The following RBPJ variants were observed in gnomAD, a reference collection of about 807,000 sequenced individuals.
RBPJ encodes recombination signal binding protein for immunoglobulin kappa J region, also known as recombining binding protein suppressor of hairless.
Under a neutral mutation model 67.8 loss-of-function variants are expected in RBPJ, and 9 were observed. That is an observed-to-expected ratio of 0.13 (90% confidence interval 0.08 to 0.23). The LOEUF (loss-of-function observed/expected upper bound fraction) is 0.23, where lower values mean the gene tolerates loss of function less well. RBPJ is among the 10% of genes least tolerant of loss of function. The probability of loss-of-function intolerance (pLI) is 1.00; values close to 1 mark genes in which losing one functional copy is unlikely to be tolerated. For synonymous variants in RBPJ, 198 were observed against 203.3 expected (o/e 0.97, Z 0.22); for missense variants, 305 against 595.6 (o/e 0.51, Z 5.08).
At chr4:26,109,579 C>CTATATATA in the RBPJ span, among the ~76,000 whole-genome samples, 3 of 29,392 alleles carry the variant, frequency 1.0e-4, 1 homozygote, top group Admixed American at 6.3e-4. Flanking sequence ...CTCTCTCTCT[C>CTATATATA]TATATATATA....
At chr4:26,105,912 A>C in the RBPJ span, among the ~76,000 whole-genome samples, 1 of 152,236 alleles carries the variant, frequency 6.6e-6, no homozygotes, top group Admixed American at 6.5e-5. Flanking sequence ...ACTGCAAGCA[A>C]ATCTGTGCAA....
At chr4:26,413,384 A>G (rs1734232125) in intron 3 of RBPJ, among the ~76,000 whole-genome samples, 1 of 152,018 alleles carries the variant, frequency 6.6e-6, no homozygotes, top group Non-Finnish European at 1.5e-5. Context: ...CATACTTATC[A>G]CCAGCTAATG....
chr4:26,135,329 A>G, the RBPJ span, among the ~76,000 whole-genome samples: 1 of 152,036 alleles, frequency 6.6e-6, no homozygotes, highest in Non-Finnish European at 1.5e-5. Context: ...CACCCTCACC[A>G]CAACCCTCTG....
At chr4:26,250,038 G>A (rs1053016309) in intron 1 of RBPJ, among the ~76,000 whole-genome samples, 6 of 151,758 alleles carry the variant, frequency 4.0e-5, no homozygotes, top group African/African-American at 1.5e-4. Flanking sequence ...CCCCCGCCAC[G>A]GCCTCCCAAA....
intron 1 of RBPJ, among the ~76,000 whole-genome samples, chr4:26,368,448 A>G (rs1013526745): frequency 1.3e-5 from 2 of 151,650 alleles, no homozygotes; most frequent in African/African-American, 4.9e-5. Context: ...TTTCCACCTC[A>G]TACTGGTTAT....
intron 1 of RBPJ, among the ~76,000 whole-genome samples, chr4:26,281,438 C>T (rs1721270428): frequency 6.6e-6 from 1 of 152,072 alleles, no homozygotes; most frequent in Non-Finnish European, 1.5e-5. Flanking sequence ...ACCACCACAC[C>T]CAGCTAATTT....
At chr4:26,245,437 G>A (rs1719896640) in intron 1 of RBPJ, among the ~76,000 whole-genome samples, 1 of 151,966 alleles carries the variant, frequency 6.6e-6, no homozygotes, top group African/African-American at 2.4e-5. Flanking sequence ...TTGAACTCCT[G>A]ACCTTGTGGT....
intron 1 of RBPJ, among the ~76,000 whole-genome samples, chr4:26,199,207 A>G (rs930184720): frequency 6.6e-6 from 1 of 152,130 alleles, no homozygotes; most frequent in Non-Finnish European, 1.5e-5. Flanking sequence ...GCACTTTGGG[A>G]GGCTGAGAGG....
intron 1 of RBPJ, among the ~76,000 whole-genome samples, chr4:26,274,175 C>T (rs1028523321): frequency 6.6e-6 from 1 of 152,152 alleles, no homozygotes; most frequent in Non-Finnish European, 1.5e-5. Context: ...CTATCTTCTG[C>T]CATCTGCCCC....
intron 2 of RBPJ, among the ~76,000 whole-genome samples, chr4:26,390,906 AT>A (rs1731431823): frequency 6.6e-6 from 1 of 152,212 alleles, no homozygotes; most frequent in Non-Finnish European, 1.5e-5. Flanking sequence ...AATAAAAAAA[AT>A]TAGCTGGGCA....
intron 1 of RBPJ, among the ~76,000 whole-genome samples, chr4:26,355,593 G>T (rs1451119050): frequency 6.6e-6 from 1 of 151,976 alleles, no homozygotes; most frequent in Non-Finnish European, 1.5e-5. Context: ...GCTATGATCT[G>T]TGCTACTGCA....
chr4:26,125,099 C>A, the RBPJ span, among the ~76,000 whole-genome samples: 2 of 152,214 alleles, frequency 1.3e-5, no homozygotes, highest in African/African-American at 4.8e-5. Context: ...AGACACATCT[C>A]TTCCCTTTAA....
At chr4:26,218,324 A>C (rs1054707562) in intron 1 of RBPJ, among the ~76,000 whole-genome samples, 1 of 152,226 alleles carries the variant, frequency 6.6e-6, no homozygotes, top group Non-Finnish European at 1.5e-5. Context: ...ATGACTATAA[A>C]GACAGAAGTG....
upstream of RBPJ, among the ~76,000 whole-genome samples, chr4:26,160,549 A>C (rs1354823017): frequency 6.6e-6 from 1 of 152,228 alleles, no homozygotes; most frequent in Non-Finnish European, 1.5e-5. Context: ...TGCAGTAACA[A>C]ACACCCCCAC....
intron 1 of RBPJ, among the ~76,000 whole-genome samples, chr4:26,348,986 C>T (rs554377789): frequency 6.6e-6 from 1 of 152,184 alleles, no homozygotes; most frequent in South Asian, 2.1e-4. Flanking sequence ...AGGTTACAGG[C>T]GTGAGCTACC....
intron 1 of RBPJ, among the ~76,000 whole-genome samples, chr4:26,292,742 T>C (rs1721713318): frequency 6.6e-6 from 1 of 150,524 alleles, no homozygotes; most frequent in African/African-American, 2.4e-5. Flanking sequence ...CAGAATAACA[T>C]TCTATTGTGT....
chr4:26,300,410 CCTT>C (rs1281925538), intron 1 of RBPJ, among the ~76,000 whole-genome samples: 2 of 152,178 alleles, frequency 1.3e-5, no homozygotes, highest in Non-Finnish European at 2.9e-5. Context: ...TCCTGAAAGA[CCTT>C]CGTATCTACA....
chr4:26,127,666 A>G, the RBPJ span, among the ~76,000 whole-genome samples: 2 of 152,232 alleles, frequency 1.3e-5, no homozygotes, highest in East Asian at 3.8e-4. Context: ...AAATCTACCT[A>G]TTAGATCCCA....
intron 1 of RBPJ, among the ~76,000 whole-genome samples, chr4:26,285,678 TAAAAAAA>T (rs545484809): frequency 2.0e-4 from 19 of 96,268 alleles, no homozygotes; most frequent in Admixed American, 9.1e-4. Flanking sequence ...ACTGATACGT[TAAAAAAA>T]AAAAAAAAAA....
Sources: allele counts gnomAD v4.1 joint callset (sites outside exome capture counted in the v4.1 genomes callset), GRCh38; gene constraint gnomAD v4.1.1; transcripts MANE v1.5; gene names NCBI Gene and HGNC (gene_info 2026-07-23, HGNC 2026-07-21).